OR1J2: variants seen among roughly 807,000 people sequenced by gnomAD.
The protein encoded by OR1J2 is olfactory receptor family 1 subfamily J member 2, also known as olfactory receptor 1J2.
For synonymous variants in OR1J2, 142 were observed against 99.7 expected (o/e 1.42, Z -2.52); for missense variants, 304 against 246.1 (o/e 1.24, Z -1.57).
chr9:122,518,353 G>A, the OR1J2 span, among the ~76,000 whole-genome samples: 1 of 152,182 alleles, frequency 6.6e-6, no homozygotes, highest in Non-Finnish European at 1.5e-5. Context: ...ACATTTATTT[G>A]TTACAGTTCT....
chr9:122,549,364 G>A, the OR1J2 span, among the ~76,000 whole-genome samples: 5 of 152,080 alleles, frequency 3.3e-5, no homozygotes, highest in African/African-American at 9.7e-5. Flanking sequence ...GCAGAACCAT[G>A]GGCCAAATAA....
chr9:122,542,578 A>G, the OR1J2 span, among the ~76,000 whole-genome samples: 1 of 152,168 alleles, frequency 6.6e-6, no homozygotes. Flanking sequence ...ACATTCCTAT[A>G]CCGCCCACCT....
the OR1J2 span, among the ~76,000 whole-genome samples, chr9:122,550,811 C>T: frequency 6.6e-6 from 1 of 151,778 alleles, no homozygotes; most frequent in Non-Finnish European, 1.5e-5. Context: ...TGGGGGAAAG[C>T]TGAACGCATT....
At chr9:122,548,565 C>A in the OR1J2 span, among the ~76,000 whole-genome samples, 2 of 150,858 alleles carry the variant, frequency 1.3e-5, no homozygotes, top group Non-Finnish European at 3.0e-5. Flanking sequence ...CTGTTCATAT[C>A]TTTTGTCCAA....
At chr9:122,553,752 T>C in the OR1J2 span, 34 of 1,613,924 alleles carry the variant, frequency 2.1e-5, no homozygotes, top group Non-Finnish European at 2.5e-5. Flanking sequence ...CCCTCATTTC[T>C]ATTGTGATCC....
downstream of OR1J2, among the ~76,000 whole-genome samples, chr9:122,516,443 A>G (rs1460071111): frequency 6.6e-6 from 1 of 150,484 alleles, no homozygotes; most frequent in Non-Finnish European, 1.5e-5. Flanking sequence ...AGCTGGGACT[A>G]CAGGCGCCCG....
the OR1J2 span, among the ~76,000 whole-genome samples, chr9:122,489,176 G>C: frequency 2.2e-3 from 335 of 152,236 alleles, no homozygotes; most frequent in Middle Eastern, 3.4e-3. Flanking sequence ...GAACACAAAG[G>C]GGGGCATCAA....
chr9:122,534,836 G>A, the OR1J2 span, among the ~76,000 whole-genome samples: 1 of 152,126 alleles, frequency 6.6e-6, no homozygotes, highest in South Asian at 2.1e-4. Context: ...CTGGACGTCA[G>A]GCACCTCAGA....
chr9:122,534,234 GTTAA>G, the OR1J2 span, among the ~76,000 whole-genome samples: 1 of 152,106 alleles, frequency 6.6e-6, no homozygotes, highest in Non-Finnish European at 1.5e-5. Flanking sequence ...TGAAGGGGAG[GTTAA>G]TTAAGTCCTG....
At chr9:122,473,242 C>T in the OR1J2 span, among the ~76,000 whole-genome samples, 1 of 152,132 alleles carries the variant, frequency 6.6e-6, no homozygotes, top group African/African-American at 2.4e-5. Context: ...AACATCTCAG[C>T]TCCAACCCTC....
At chr9:122,553,763 T>C in the OR1J2 span, 805,854 of 1,612,110 alleles carry the variant, frequency 0.5, 203,496 homozygotes, top group East Asian at 0.62. Flanking sequence ...ATTGTGATCC[T>C]AGTGCTCTCC....
chr9:122,477,540 A>G, the OR1J2 span: 1 of 1,614,210 alleles, frequency 6.2e-7, no homozygotes, highest in South Asian at 1.1e-5. Context: ...CATAATGTAG[A>G]GGATGACAGA....
chr9:122,473,820 G>T, the OR1J2 span, among the ~76,000 whole-genome samples: 1 of 152,162 alleles, frequency 6.6e-6, no homozygotes, highest in Admixed American at 6.5e-5. Flanking sequence ...CACTAATGAA[G>T]AAATGGTAAA....
the OR1J2 span, among the ~76,000 whole-genome samples, chr9:122,546,118 T>G: frequency 1.6e-4 from 24 of 152,070 alleles, no homozygotes; most frequent in Admixed American, 1.5e-3. Flanking sequence ...AGAAAACTCA[T>G]TTTTACCTGG....
chr9:122,492,897 T>G, the OR1J2 span, among the ~76,000 whole-genome samples: 1 of 152,178 alleles, frequency 6.6e-6, no homozygotes, highest in Admixed American at 6.5e-5. Context: ...ACACCAATTT[T>G]GCTGAAGGTT....
chr9:122,494,546 C>T, the OR1J2 span, among the ~76,000 whole-genome samples: 2 of 152,084 alleles, frequency 1.3e-5, no homozygotes, highest in African/African-American at 4.8e-5. Context: ...ATCTTTTCTA[C>T]CCCTTTACCT....
chr9:122,553,346 C>G, the OR1J2 span: 1 of 1,613,956 alleles, frequency 6.2e-7, no homozygotes, highest in Non-Finnish European at 8.5e-7. Context: ...TGGTGGGGAA[C>G]CTGCTCATTA....
chr9:122,523,470 C>T, the OR1J2 span, among the ~76,000 whole-genome samples: 5 of 151,994 alleles, frequency 3.3e-5, no homozygotes, highest in African/African-American at 1.2e-4. Flanking sequence ...GGGTAACCAA[C>T]GTGTGAGATG....
At chr9:122,519,072 AAAT>A in the OR1J2 span, 6 of 1,081,124 alleles carry the variant, frequency 5.5e-6, no homozygotes, top group Non-Finnish European at 8.3e-6. Context: ...CTGCTGCTGT[AAAT>A]CAACATTTGT....
Sources: allele counts gnomAD v4.1 joint callset (sites outside exome capture counted in the v4.1 genomes callset), GRCh38; gene constraint gnomAD v4.1.1; transcripts MANE v1.5; gene names NCBI Gene and HGNC (gene_info 2026-07-23, HGNC 2026-07-21).